SIGLECL1: variants seen among roughly 807,000 people sequenced by gnomAD.
The protein encoded by SIGLECL1 is SIGLEC family like 1.
SIGLECL1 carries 16 observed loss-of-function variants against 19.1 expected under a neutral mutation model. That is an observed-to-expected ratio of 0.84 (90% confidence interval 0.57 to 1.27). The LOEUF is 1.27. SIGLECL1 is among the 50% of genes most tolerant of loss of function. The pLI, the probability that SIGLECL1 is intolerant of heterozygous loss-of-function variation, is 0.00. For synonymous variants in SIGLECL1, 89 were observed against 90.4 expected (o/e 0.98, Z 0.09); for missense variants, 210 against 239.4 (o/e 0.88, Z 0.81).
At chr19:51,267,328 C>T (rs2123458344) in intron 4 of SIGLECL1, 45 bp from the exon 5 acceptor site, 1 of 1,592,632 alleles carries the variant, frequency 6.3e-7, no homozygotes, top group Non-Finnish European at 8.5e-7. Flanking sequence ...TTTGGGGATT[C>T]AGGGAGATGG....
intron 1 of SIGLECL1, among the ~76,000 whole-genome samples, chr19:51,254,837 A>G (rs1326491140): frequency 6.6e-6 from 1 of 152,218 alleles, no homozygotes. Flanking sequence ...AATTAATTAT[A>G]AAAAGGTTAG....
In SIGLECL1 at chr19:51,268,564, C is replaced by T; in HGVS notation, c.568-7C>T. 2 of 1,614,050 alleles carry T rather than the reference C, an allele frequency of 1.2e-6. No individual in the cohort carries two copies. Among genetic ancestry groups the T allele is most frequent in the Non-Finnish European group, 1.7e-6 (2 of 1,180,002 alleles). ...TTTCTTTGTTCTATTTTGCACCTCG[C>T]TTTCAGGAAAAGCAAGATAAACGAG... is the stretch of plus-strand genomic sequence containing the variant. On this transcript the variant is annotated splice_polypyrimidine_tract_variant and splice_region_variant and intron_variant, in intron 5 of 5. Coordinates refer to ENST00000601727, the MANE Select transcript of SIGLECL1 (RefSeq NM_001385465.1).
intron 1 of SIGLECL1, among the ~76,000 whole-genome samples, chr19:51,256,274 A>G (rs1378141001): frequency 6.6e-6 from 1 of 152,174 alleles, no homozygotes; most frequent in Non-Finnish European, 1.5e-5. Context: ...CAAGAACTGA[A>G]TGATGATGTT....
At chr19:51,257,283 G>A (rs1002901636) in intron 1 of SIGLECL1, among the ~76,000 whole-genome samples, 3 of 151,952 alleles carry the variant, frequency 2.0e-5, no homozygotes, top group South Asian at 4.2e-4. Flanking sequence ...GCACATGCTT[G>A]TAGTCCCAGC....
chr19:51,268,771 T>C lies in SIGLECL1; in HGVS notation c.*174T>C, dbSNP rs1983856800. 1.6e-6 allele frequency: 1 copy of C among 616,024 alleles called. No homozygotes were observed. The highest frequency in any genetic ancestry group is 3.0e-5 in the Admixed American group (1 of 33,014). The allele number at this position is 616,024 out of a possible 1,614,324, so 38.2% of individuals were successfully genotyped here. ...CCTACACATCCCTTAACACTCATTC[T>C]CCATTGAATAGGTGGTTACTCTTAG... On this transcript the variant is annotated 3_prime_UTR_variant, in exon 6 of 6. Coordinates refer to ENST00000601727, the MANE Select transcript of SIGLECL1 (RefSeq NM_001385465.1).
At chr19:51,261,964 T>C (rs1053060790) in intron 1 of SIGLECL1, among the ~76,000 whole-genome samples, 19 of 152,078 alleles carry the variant, frequency 1.2e-4, no homozygotes, top group African/African-American at 4.3e-4. Context: ...GGTCAAGAAA[T>C]AGAACATTAA....
Position 51,251,110 on chromosome 19 carries a change from C to T in SIGLECL1, c.-626C>T, listed in dbSNP as rs1391314850. On this transcript the variant is annotated 5_prime_UTR_variant, in exon 1 of 6. Transcript: ENST00000601727. ...CACCTAAGGATGCGAGCTAGCAGGT[C>T]TTGCAGCGGCTATCACGCCCCTCAC... The T allele has an allele frequency of 1.3e-5, 2 of 152,252 alleles. No homozygotes were observed. Among genetic ancestry groups the T allele is most frequent in the Admixed American group, 1.3e-4 (2 of 15,278 alleles). The allele number at this position is 152,252 out of a possible 1,614,324, so 9.4% of individuals were successfully genotyped here.
At chr19:51,251,004 G>A (rs1335237276), upstream of SIGLECL1, 1 of 152,220 alleles carries the variant, frequency 6.6e-6, no homozygotes, top group Non-Finnish European at 1.5e-5. Flanking sequence ...CTCATTGGTT[G>A]TAAAATAAGC....
At chr19:51,253,053 G>A (rs1424831607) in intron 1 of SIGLECL1, among the ~76,000 whole-genome samples, 11 of 151,988 alleles carry the variant, frequency 7.2e-5, no homozygotes, top group African/African-American at 2.4e-4. Flanking sequence ...CTTGAGCCTG[G>A]AAAGTCGAGG....
chr19:51,247,478 G>A (rs1011523864), upstream of SIGLECL1, among the ~76,000 whole-genome samples: 11 of 151,928 alleles, frequency 7.2e-5, no homozygotes, highest in African/African-American at 2.7e-4. Flanking sequence ...GAGTGCACTG[G>A]TGTGATCTTG....
At chr19:51,249,619 A>C (rs1438323732), upstream of SIGLECL1, among the ~76,000 whole-genome samples, 1 of 152,206 alleles carries the variant, frequency 6.6e-6, no homozygotes, top group Non-Finnish European at 1.5e-5. Context: ...CATGTACCAT[A>C]AAACAAAACC....
At chr19:51,255,599 T>A (rs904110281) in intron 1 of SIGLECL1, among the ~76,000 whole-genome samples, 2 of 151,680 alleles carry the variant, frequency 1.3e-5, no homozygotes, top group African/African-American at 4.8e-5. Context: ...AGCAAAAAAA[T>A]CAAATAACCC....
At chr19:51,268,464 C>A in intron 5 of SIGLECL1, 107 bp from the exon 6 acceptor site, 1 of 1,204,964 alleles carries the variant, frequency 8.3e-7, no homozygotes, top group East Asian at 2.3e-5. Context: ...CTCCATGTTG[C>A]CTTAATTCTG....
Position 51,265,634 on chromosome 19 carries a change from A to T in SIGLECL1, c.289A>T (p.Ile97Phe), listed in dbSNP as rs539316539. The change falls in exon 3 of 6, where the codon ATC becomes TTC. Residue 97 changes from isoleucine (I) to phenylalanine (F), a missense_variant. By Grantham distance (21) the Ile-to-Phe change is conservative (BLOSUM62 0). Transcript: ENST00000601727. ...CCAAAACGGAACCCATGCTTTGAGC[A>T]TCCTACTGATGTCAAGTGAGGGTGG... ...KNQNGTHALS[I>F]LLMSRKSSLA... is the part of the protein sequence containing the mutation. The T allele has an allele frequency of 1.2e-6, 2 of 1,613,798 alleles. No homozygotes were observed. Among genetic ancestry groups the T allele is most frequent in the Non-Finnish European group, 1.7e-6 (2 of 1,179,750 alleles).
intron 2 of SIGLECL1, chr19:51,264,418 G>T (rs1166788217): frequency 7.3e-6 from 2 of 274,996 alleles, no homozygotes; most frequent in African/African-American, 4.5e-5. Context: ...GGCACACTTT[G>T]CCAGGTGGAA....
chr19:51,253,118 C>A lies in SIGLECL1; in HGVS notation c.-191+1573C>A, dbSNP rs199579085. Among the ~76,000 whole-genome samples, 703 of 146,854 alleles carry A rather than the reference C, an allele frequency of 4.8e-3. 5 individuals carry two copies. Among genetic ancestry groups the A allele is most frequent in the African/African-American group, 0.017 (658 of 39,708 alleles). The stretch of plus-strand genomic sequence containing the variant: ...CTCCAGACCCTGTGTTAAAAAAAAA[C>A]AAAAAAAAAGTGGTTCCAAGTTAAA... On this transcript the variant is annotated intron_variant, in intron 1 of 5. Coordinates refer to ENST00000601727, the MANE Select transcript of SIGLECL1 (RefSeq NM_001385465.1).
chr19:51,265,042 G>A (rs909980480), intron 2 of SIGLECL1, among the ~76,000 whole-genome samples: 1 of 152,188 alleles, frequency 6.6e-6, no homozygotes, highest in Non-Finnish European at 1.5e-5. Context: ...GAGCCTAAGA[G>A]GAACATTGCA....
intron 1 of SIGLECL1, among the ~76,000 whole-genome samples, chr19:51,263,306 A>C (rs1345620256): frequency 6.6e-6 from 1 of 152,196 alleles, no homozygotes; most frequent in East Asian, 1.9e-4. Flanking sequence ...CATTCATTTC[A>C]AATTTTATGG....
At position 51,265,669 on chromosome 19, in the gene SIGLECL1, G is replaced by A. The variant is rs114737752; in HGVS notation, c.304+20G>A. 1.3e-3 allele frequency: 2,088 copies of A among 1,610,854 alleles called. 30 individuals carry two copies. In the African/African-American group the frequency reaches 0.024, roughly 18 times the overall value. On this transcript the variant is annotated intron_variant, in intron 3 of 5. Transcript: ENST00000601727. ...TGTCAAGTGAGGGTGGAGGGGGCTC[G>A]GTGACTGGGTGAGGACAATAAGCGG...
Sources: allele counts gnomAD v4.1 joint callset (sites outside exome capture counted in the v4.1 genomes callset), GRCh38; gene constraint gnomAD v4.1.1; transcripts MANE v1.5; gene names NCBI Gene and HGNC (gene_info 2026-07-23, HGNC 2026-07-21).